Variants in PRELID2 observed in about 807,000 individuals in gnomAD.
PRELID2 encodes the protein PRELI domain containing 2, also known as PRELI domain-containing protein 2.
A neutral mutation model predicts 28.4 loss-of-function variants in PRELID2; 25 were observed. The observed-to-expected ratio is 0.88, with a 90% CI of 0.64 to 1.23. The LOEUF (loss-of-function observed/expected upper bound fraction) is 1.23, where lower values mean the gene tolerates loss of function less well. Among genes scored for constraint, PRELID2 ranks in the 50% most tolerant of loss-of-function variants. PRELID2 has a pLI of 0.00. For missense variants in PRELID2, 201 were observed against 214.4 expected (o/e 0.94, Z 0.39); for synonymous variants, 76 against 71.6 (o/e 1.06, Z -0.31).
the PRELID2 span, among the ~76,000 whole-genome samples, chr5:145,233,530 G>C: frequency 1.3e-5 from 2 of 152,114 alleles, no homozygotes; most frequent in African/African-American, 4.8e-5. Context: ...ATTCCTCACT[G>C]ATGTGAGGAA....
intron 1 of PRELID2, among the ~76,000 whole-genome samples, chr5:145,741,670 A>ATTT (rs1756773073): frequency 2.6e-4 from 2 of 7,694 alleles, no homozygotes; most frequent in African/African-American, 5.8e-4. Flanking sequence ...TTTATATATA[A>ATTT]ATAATTTATA....
chr5:145,781,556 A>G (rs1751592377), intron 5 of PRELID2, among the ~76,000 whole-genome samples: 1 of 149,692 alleles, frequency 6.7e-6, no homozygotes, highest in African/African-American at 2.4e-5. Context: ...CCCTATATTT[A>G]TATTTTTATA....
chr5:145,668,643 T>C (rs1208159866), intron 1 of PRELID2, among the ~76,000 whole-genome samples: 1 of 152,108 alleles, frequency 6.6e-6, no homozygotes. Flanking sequence ...AGGTATATTA[T>C]ATAATATAAT....
At chr5:145,388,009 G>C in the PRELID2 span, among the ~76,000 whole-genome samples, 2 of 148,352 alleles carry the variant, frequency 1.3e-5, no homozygotes, top group East Asian at 3.9e-4. Flanking sequence ...AATATTTAAA[G>C]AGGCTTATCA....
Position 145,823,130 on chromosome 5 carries a change from G to C in PRELID2, c.80C>G (p.Pro27Arg). The C allele has an allele frequency of 1.3e-6, 2 of 1,499,396 alleles. No individual in the cohort carries two copies. The highest frequency in any genetic ancestry group is 2.3e-5 in the South Asian group (2 of 88,516). The allele number at this position is 1,499,396 out of a possible 1,614,324, so 92.9% of individuals were successfully genotyped here. A position where few individuals can be genotyped will look rare whatever the true frequency, so the allele number is the denominator to read the frequency against. Residue 27 changes from proline (P) to arginine (R), a missense_variant, in exon 2 of 7, where the codon CCC (proline) becomes CGC (arginine). Coordinates refer to ENST00000683046, the MANE Select transcript of PRELID2 (RefSeq NM_205846.3). ...GATGACATTTTTATCCATGGGGTTG[G>C]GGTACTAAACAAAAATATATAAAAA... ...QVVASFLRKY[P>R]NPMDKNVISV...
intron 1 of PRELID2, among the ~76,000 whole-genome samples, chr5:145,665,209 C>G (rs1754564767): frequency 6.6e-6 from 1 of 152,070 alleles, no homozygotes; most frequent in African/African-American, 2.4e-5. Flanking sequence ...AGAGTCAACA[C>G]AAGAGAGTTT....
chr5:145,579,707 C>T (rs1484832877), intron 1 of PRELID2, among the ~76,000 whole-genome samples: 4 of 151,986 alleles, frequency 2.6e-5, no homozygotes, highest in Non-Finnish European at 4.4e-5. Flanking sequence ...CATTTTGGAT[C>T]GAGGCTGAGC....
At chr5:145,340,124 A>T in the PRELID2 span, among the ~76,000 whole-genome samples, 1 of 152,130 alleles carries the variant, frequency 6.6e-6, no homozygotes, top group Non-Finnish European at 1.5e-5. Flanking sequence ...GGACAAGTTT[A>T]TCAGCCTGGT....
In PRELID2 at chr5:145,564,376, A is replaced by ACTC. The variant is rs1215149315; in HGVS notation, n.71-91064_71-91062dup. ...TTCCTTCTGCCACTATGCTCCAGCC[A>ACTC]CTCTGGTTTTCTTTCACAGCCTTGA... On this transcript the variant is annotated intron_variant and non_coding_transcript_variant, in intron 1 of 2. Coordinates refer to the PRELID2 transcript ENST00000510259. Among the ~76,000 whole-genome samples the ACTC allele has an allele frequency of 4.6e-5, 7 of 152,014 alleles. No individual in the cohort carries two copies. The East Asian group carries it at 9.7e-4, about 21-fold the overall frequency.
intron 1 of PRELID2, among the ~76,000 whole-genome samples, chr5:145,538,528 G>T (rs1752720929): frequency 6.6e-6 from 1 of 151,854 alleles, no homozygotes. Context: ...GATTATAGAA[G>T]GTTTCCATCA....
chr5:145,654,333 G>C (rs546378681), intron 1 of PRELID2, among the ~76,000 whole-genome samples: 3 of 152,300 alleles, frequency 2.0e-5, no homozygotes, highest in Middle Eastern at 3.4e-3. Flanking sequence ...GGAGTAGCTG[G>C]TACCATTACT....
the PRELID2 span, among the ~76,000 whole-genome samples, chr5:145,339,920 A>C: frequency 1.3e-5 from 2 of 152,100 alleles, no homozygotes; most frequent in Non-Finnish European, 2.9e-5. Context: ...CCACACATGC[A>C]AGGACAAATC....
chr5:145,368,947 T>C, the PRELID2 span, among the ~76,000 whole-genome samples: 1 of 151,860 alleles, frequency 6.6e-6, no homozygotes, highest in African/African-American at 2.4e-5. Context: ...TTATTTTTCC[T>C]GATCATCTCC....
the PRELID2 span, among the ~76,000 whole-genome samples, chr5:145,385,405 T>C: frequency 6.6e-6 from 1 of 152,200 alleles, no homozygotes; most frequent in African/African-American, 2.4e-5. Context: ...GTACAAATAG[T>C]CTGCAGAAAA....
chr5:145,456,284 G>A, the PRELID2 span, among the ~76,000 whole-genome samples: 9 of 152,156 alleles, frequency 5.9e-5, no homozygotes, highest in Non-Finnish European at 1.2e-4. Flanking sequence ...TTCTAATCTT[G>A]TCGCAGACCA....
chr5:145,754,229 GA>G (rs2149754171), downstream of PRELID2: 1 of 152,316 alleles, frequency 6.6e-6, no homozygotes, highest in African/African-American at 2.4e-5. Context: ...CTGGGCTAGA[GA>G]GAAGCTATTA....
Position 145,688,112 on chromosome 5 carries a change from C to T in PRELID2, n.70+76819G>A, listed in dbSNP as rs73794411. On this transcript the variant is annotated intron_variant and non_coding_transcript_variant, in intron 1 of 2. Transcript: ENST00000510259. ...TTTCTTCTGCCACTTGTCTTTGACACGATGCCTTCAGCTGCTGTGGGTGAT... is the reference window on the plus strand; with the variant it reads ...TTTCTTCTGCCACTTGTCTTTGACATGATGCCTTCAGCTGCTGTGGGTGAT... Among the ~76,000 whole-genome samples the T allele has an allele frequency of 1.8e-4, 28 of 152,202 alleles. No individual in the cohort carries two copies. The East Asian group carries it at 4.8e-3, about 26-fold the overall frequency.
rs536063299 is a variant in PRELID2, at chr5:145,774,278, G to C, written c.475-9278C>G. Among the ~76,000 whole-genome samples the C allele has an allele frequency of 3.6e-4, 55 of 152,310 alleles. 1 individual carries two copies. The highest frequency in any genetic ancestry group is 1.2e-3 in the African/African-American group (50 of 41,562). On this transcript the variant is annotated intron_variant, in intron 5 of 6. Coordinates refer to ENST00000683046, the MANE Select transcript of PRELID2 (RefSeq NM_205846.3). ...TGACTTGTTCAAAGTCATGTAGCTA[G>C]CAAGTGGCAGACCTAGGATTTAAAT... is the stretch of plus-strand genomic sequence containing the variant.
At chr5:145,619,784 C>A (rs1356936842) in intron 1 of PRELID2, among the ~76,000 whole-genome samples, 2 of 152,142 alleles carry the variant, frequency 1.3e-5, no homozygotes, top group Admixed American at 6.5e-5. Context: ...AATACCTGTA[C>A]AGGCAACTTG....
Sources: allele counts gnomAD v4.1 joint callset (sites outside exome capture counted in the v4.1 genomes callset), GRCh38; gene constraint gnomAD v4.1.1; transcripts MANE v1.5; gene names NCBI Gene and HGNC (gene_info 2026-07-23, HGNC 2026-07-21).